The following STXBP5L variants were observed in gnomAD, a reference collection of about 807,000 sequenced individuals.
The protein encoded by STXBP5L is syntaxin-binding protein 5-like.
Under a neutral mutation model 144.5 loss-of-function variants are expected in STXBP5L, and 65 were observed. That is an observed-to-expected ratio of 0.45 (90% CI 0.37 to 0.55). STXBP5L has a LOEUF of 0.55. Among genes scored for constraint, STXBP5L ranks in the 20% least tolerant of loss-of-function variants. The pLI is 0.00. For missense variants in STXBP5L, 1,298 were observed against 1,405.5 expected (o/e 0.92, Z 1.22); for synonymous variants, 505 against 469.6 (o/e 1.08, Z -0.97).
chr3:120,978,065 G>C (rs576003506), intron 3 of STXBP5L, among the ~76,000 whole-genome samples: 3 of 152,240 alleles, frequency 2.0e-5, no homozygotes, highest in African/African-American at 7.2e-5. Context: ...GGCATTCTCT[G>C]TATTTCCTGA....
chr3:121,325,322 T>C (rs531758746), intron 20 of STXBP5L, among the ~76,000 whole-genome samples: 1 of 152,206 alleles, frequency 6.6e-6, no homozygotes, highest in South Asian at 2.1e-4. Context: ...AACAGTATTT[T>C]ATTTTTCTCT....
intron 20 of STXBP5L, among the ~76,000 whole-genome samples, chr3:121,340,682 A>G (rs1402680294): frequency 1.3e-5 from 2 of 152,120 alleles, no homozygotes; most frequent in African/African-American, 4.8e-5. Context: ...ATGGCTGCAG[A>G]GTATTCCATG....
chr3:121,036,986 G>T (rs1946804875), intron 3 of STXBP5L, among the ~76,000 whole-genome samples: 1 of 151,828 alleles, frequency 6.6e-6, no homozygotes, highest in Non-Finnish European at 1.5e-5. Context: ...GAGTTCAGTG[G>T]CATGGTCATA....
At chr3:121,097,571 T>C (rs977853980) in intron 5 of STXBP5L, among the ~76,000 whole-genome samples, 8 of 151,904 alleles carry the variant, frequency 5.3e-5, no homozygotes, top group Non-Finnish European at 1.0e-4. Context: ...GGGGAGAAAA[T>C]TTCCCGACTT....
At chr3:121,153,397 A>G (rs1461968923) in intron 8 of STXBP5L, among the ~76,000 whole-genome samples, 1 of 152,044 alleles carries the variant, frequency 6.6e-6, no homozygotes, top group Non-Finnish European at 1.5e-5. Flanking sequence ...GTAGGAAGAG[A>G]TAGGAGGAAA....
At chr3:121,408,550 A>G (rs751887442) in intron 23 of STXBP5L, among the ~76,000 whole-genome samples, 3 of 152,000 alleles carry the variant, frequency 2.0e-5, no homozygotes, top group Non-Finnish European at 2.9e-5. Context: ...CCCAGAGTTC[A>G]AAGTCACAGC....
At chr3:121,348,104 T>C (rs1217589539) in intron 20 of STXBP5L, among the ~76,000 whole-genome samples, 1 of 152,184 alleles carries the variant, frequency 6.6e-6, no homozygotes, top group Non-Finnish European at 1.5e-5. Flanking sequence ...TTGTCATAGA[T>C]AGCTCTTATT....
intron 3 of STXBP5L, among the ~76,000 whole-genome samples, chr3:121,024,417 C>T (rs1271478893): frequency 2.6e-5 from 4 of 152,116 alleles, no homozygotes; most frequent in African/African-American, 7.2e-5. Context: ...TTTGGGGTTA[C>T]TACTGAATGC....
chr3:121,215,109 A>G (rs887623257), intron 10 of STXBP5L, among the ~76,000 whole-genome samples: 1 of 151,874 alleles, frequency 6.6e-6, no homozygotes, highest in Non-Finnish European at 1.5e-5. Context: ...TGCACATAAG[A>G]TGGGTCTCCG....
chr3:120,935,160 C>T (rs530058752), intron 2 of STXBP5L, among the ~76,000 whole-genome samples: 27 of 151,276 alleles, frequency 1.8e-4, no homozygotes, highest in Non-Finnish European at 3.5e-4. Flanking sequence ...ATTAATTCTA[C>T]TTATTTTTAT....
chr3:121,217,999 ATATAGTATAATATATATAC>A (rs1439014617), intron 10 of STXBP5L, among the ~76,000 whole-genome samples: 2 of 144,962 alleles, frequency 1.4e-5, no homozygotes, highest in Non-Finnish European at 3.0e-5. Flanking sequence ...ACTATATAAT[ATATAGTATAATATATATAC>A]TATAGTATAA....
rs147742029 is a variant in STXBP5L at position 121,310,727 on chromosome 3, G to A, written c.2111-7748G>A. Among the ~76,000 whole-genome samples the A allele has an allele frequency of 5.7e-3, 860 of 151,884 alleles. 4 individuals are homozygous for A. The highest frequency in any genetic ancestry group is 8.9e-3 in the Non-Finnish European group (602 of 67,926). On this transcript the variant is annotated intron_variant, in intron 19 of 26. Transcript: ENST00000471454. The stretch of plus-strand genomic sequence containing the variant: ...AGTTTGAGACCAGCCTGGCCAACAT[G>A]GTGAAACCATGTCTCTACTAAAAAT...
At chr3:121,417,627 G>A (rs1193265175) in intron 25 of STXBP5L, among the ~76,000 whole-genome samples, 1 of 151,910 alleles carries the variant, frequency 6.6e-6, no homozygotes, top group Non-Finnish European at 1.5e-5. Context: ...CACCACTCCC[G>A]GCTAATTTTG....
At chr3:120,914,113 A>G (rs1349158418) in intron 2 of STXBP5L, among the ~76,000 whole-genome samples, 1 of 152,058 alleles carries the variant, frequency 6.6e-6, no homozygotes, top group African/African-American at 2.4e-5. Flanking sequence ...ATTGAAGAAG[A>G]TATTAGGAAC....
intron 9 of STXBP5L, among the ~76,000 whole-genome samples, chr3:121,167,620 C>T (rs2108044601): frequency 6.6e-6 from 1 of 152,240 alleles, no homozygotes; most frequent in East Asian, 1.9e-4. Context: ...GCCAGACTGC[C>T]TCTCCAGATT....
At chr3:120,965,984 CT>C (rs1043014509) in intron 3 of STXBP5L, among the ~76,000 whole-genome samples, 1 of 151,938 alleles carries the variant, frequency 6.6e-6, no homozygotes, top group African/African-American at 2.4e-5. Context: ...TCTTTTCACT[CT>C]TTTTTTTCTC....
chr3:120,959,506 A>G (rs1229143431), intron 3 of STXBP5L, among the ~76,000 whole-genome samples: 2 of 152,338 alleles, frequency 1.3e-5, no homozygotes, highest in East Asian at 3.9e-4. Flanking sequence ...AAACTATACT[A>G]CAAGGCTACA....
At chr3:120,983,390 G>A (rs1485866176) in intron 3 of STXBP5L, among the ~76,000 whole-genome samples, 1 of 152,126 alleles carries the variant, frequency 6.6e-6, no homozygotes, top group Non-Finnish European at 1.5e-5. Context: ...CCACAGCAGT[G>A]GTGGTGGTAT....
chr3:121,077,508 C>T (rs1460055588), intron 5 of STXBP5L, among the ~76,000 whole-genome samples: 2 of 152,012 alleles, frequency 1.3e-5, no homozygotes, highest in Non-Finnish European at 2.9e-5. Context: ...GCAGTGTGGA[C>T]CCAAAGAGTG....
Sources: allele counts gnomAD v4.1 joint callset (sites outside exome capture counted in the v4.1 genomes callset), GRCh38; gene constraint gnomAD v4.1.1; transcripts MANE v1.5; gene names NCBI Gene and HGNC (gene_info 2026-07-23, HGNC 2026-07-21).